The following USP6NL variants were observed in gnomAD, a reference collection of about 807,000 sequenced individuals.
USP6NL encodes USP6 N-terminal like.
Under a neutral mutation model 61.9 loss-of-function variants are expected in USP6NL, and 26 were observed. The observed-to-expected ratio is 0.42, with a 90% CI of 0.31 to 0.58. The LOEUF is 0.58. USP6NL is among the 20% of genes least tolerant of loss of function. The pLI, the probability that USP6NL is intolerant of heterozygous loss-of-function variation, is 0.16. For missense variants in USP6NL, 1,114 were observed against 1,034.3 expected, an observed-to-expected ratio of 1.08 and a Z score of -1.06; for synonymous variants, 432 against 390.1, an observed-to-expected ratio of 1.11 and a Z score of -1.27.
chr10:11,508,875 ATCTTAAATGAGCCTG>A (rs1486380101), intron 6 of USP6NL, among the ~76,000 whole-genome samples: 1 of 152,212 alleles, frequency 6.6e-6, no homozygotes, highest in Non-Finnish European at 1.5e-5. Flanking sequence ...TCTCAAAAAT[ATCTTAAATGAGCCTG>A]TCACTTGAAG....
rs953852197 is a variant in USP6NL at position 11,513,857 on chromosome 10, C to G, written c.196-4182G>C. Among the ~76,000 whole-genome samples, 2 of 152,146 alleles carry G rather than the reference C, an allele frequency of 1.3e-5. No homozygotes were observed. The highest frequency in any genetic ancestry group is 4.8e-5 in the African/African-American group (2 of 41,432). On this transcript the variant is annotated intron_variant, in intron 5 of 14. Transcript: ENST00000609104. This position sits in a 1 kb window ranked among gnomAD's most constrained non-coding sequence, Gnocchi z 4.7. ...AATCCAATCATGCATTCGGCATTGC[C>G]TTTGCTGGCAGGTCCCCAAAGTGCC...
At chr10:11,576,089 G>GAAA (rs761383093) in intron 2 of USP6NL, among the ~76,000 whole-genome samples, 1 of 130,492 alleles carries the variant, frequency 7.7e-6, no homozygotes, top group South Asian at 2.4e-4. Flanking sequence ...AACACTTCAG[G>GAAA]AAAAAAAAAA....
chr10:11,554,801 CTTT>C (rs11370788), intron 2 of USP6NL, among the ~76,000 whole-genome samples: 3 of 128,260 alleles, frequency 2.3e-5, no homozygotes, highest in Admixed American at 8.1e-5. Flanking sequence ...AGTAAGGCAG[CTTT>C]TTTTTTTTTT....
chr10:11,572,172 T>C (rs1025483376), intron 2 of USP6NL, among the ~76,000 whole-genome samples: 1 of 151,990 alleles, frequency 6.6e-6, no homozygotes. Context: ...TAAAAAATTC[T>C]GACTGTAAAG....
intron 2 of USP6NL, among the ~76,000 whole-genome samples, chr10:11,554,756 A>C (rs997805547): frequency 1.3e-5 from 2 of 151,194 alleles, no homozygotes; most frequent in African/African-American, 4.8e-5. Flanking sequence ...CCAAGAAAAA[A>C]AAAAAGAAAA....
intron 2 of USP6NL, among the ~76,000 whole-genome samples, chr10:11,577,647 C>G (rs974963194): frequency 6.6e-6 from 1 of 151,794 alleles, no homozygotes; most frequent in African/African-American, 2.4e-5. Context: ...ATTACAGGTG[C>G]CTTGCCACCA....
In USP6NL at chr10:11,562,736, A is replaced by G. The variant is rs367871119; in HGVS notation, c.4+34895T>C. ...AAATTTTCACTTGTTTCTTGATCTA[A>G]AAACGTGGAATTCCACACAGTACAA... On this transcript the variant is annotated intron_variant, in intron 2 of 14. Coordinates refer to ENST00000609104, the MANE Select transcript of USP6NL (RefSeq NM_014688.5). The surrounding 1 kb of genome is among the most constrained non-coding windows in gnomAD (Gnocchi z 4.8). 39 of 985,424 alleles carry G rather than the reference A, an allele frequency of 4.0e-5. No homozygotes were observed. In the African/African-American group the frequency reaches 5.4e-4, roughly 14 times the overall value. 61.0% of individuals were successfully genotyped at this position (985,424 alleles called of 1,614,324 possible). A position where few individuals can be genotyped will look rare whatever the true frequency, so the allele number is the denominator to read the frequency against.
intron 5 of USP6NL, among the ~76,000 whole-genome samples, chr10:11,516,769 CATTAA>C (rs1834976006): frequency 6.6e-6 from 1 of 152,158 alleles, no homozygotes; most frequent in Admixed American, 6.6e-5. Context: ...AGTGATTCCC[CATTAA>C]ATTAAACTTT....
rs1167028249 is a variant in USP6NL, at chr10:11,540,486, A to C, written c.5-12919T>G. 6.6e-6 allele frequency among the ~76,000 whole-genome samples: 1 copy of C among 152,194 alleles called. No homozygotes were observed. Among genetic ancestry groups the C allele is most frequent in the Non-Finnish European group, 1.5e-5 (1 of 68,020 alleles). On this transcript the variant is annotated intron_variant, in intron 2 of 14. Coordinates refer to ENST00000609104, the MANE Select transcript of USP6NL (RefSeq NM_014688.5). This position sits in a 1 kb window ranked among gnomAD's most constrained non-coding sequence, Gnocchi z 5.0. ...GGGCTCTATTGAATCTACTTCATTC[A>C]CTTAGTTTTAAGAACTTCTTTCCCA...
At chr10:11,594,807 T>G (rs2133655307) in intron 2 of USP6NL, among the ~76,000 whole-genome samples, 1 of 152,376 alleles carries the variant, frequency 6.6e-6, no homozygotes, top group South Asian at 2.1e-4. Flanking sequence ...CAATATTTAT[T>G]TAACACCTAT....
In USP6NL at chr10:11,549,092, A is replaced by T. The variant is rs1836391843; in HGVS notation, c.5-21525T>A. On this transcript the variant is annotated intron_variant, in intron 2 of 14. Coordinates refer to ENST00000609104, the MANE Select transcript of USP6NL (RefSeq NM_014688.5). ...TTCCATATTTTACTACCCTTAAAAG[A>T]CTATTAAATTACTCTAAAATAGACA... Among the ~76,000 whole-genome samples, 3 of 152,274 alleles carry T rather than the reference A, an allele frequency of 2.0e-5. No individual in the cohort carries two copies. The East Asian group carries it at 5.8e-4, about 29-fold the overall frequency.
In USP6NL at chr10:11,470,176, G is replaced by A. The variant is rs1832676512; in HGVS notation, c.1079-6327C>T. Among the ~76,000 whole-genome samples, 1 of 152,286 alleles carries A rather than the reference G, an allele frequency of 6.6e-6. No homozygotes were observed. The highest frequency in any genetic ancestry group is 1.5e-5 in the Non-Finnish European group (1 of 68,026). ...AGACGTGGCGGGGAGGTCACGGAAGGCAAGTAATGGAGAGGACCAGAGAAG... is the reference window on the plus strand; with the variant it reads ...AGACGTGGCGGGGAGGTCACGGAAGACAAGTAATGGAGAGGACCAGAGAAG... On this transcript the variant is annotated intron_variant, in intron 14 of 14. Coordinates refer to ENST00000609104, the MANE Select transcript of USP6NL (RefSeq NM_014688.5). This position sits in a 1 kb window ranked among gnomAD's most constrained non-coding sequence, Gnocchi z 5.4.
chr10:11,609,419 A>G (rs1838807846), intron 1 of USP6NL, among the ~76,000 whole-genome samples: 1 of 151,990 alleles, frequency 6.6e-6, no homozygotes, highest in Admixed American at 6.6e-5. Context: ...ACTTTCTGGT[A>G]ATTAGAGGTC....
chr10:11,581,220 G>A (rs1370732085), intron 2 of USP6NL, among the ~76,000 whole-genome samples: 1 of 152,156 alleles, frequency 6.6e-6, no homozygotes, highest in Non-Finnish European at 1.5e-5. Context: ...CCCACATACA[G>A]AGATAAGCAC....
intron 13 of USP6NL, among the ~76,000 whole-genome samples, chr10:11,483,676 G>A (rs1417093912): frequency 1.6e-5 from 1 of 62,744 alleles, no homozygotes; most frequent in East Asian, 5.8e-4. Context: ...GGGAGGGAGG[G>A]AGAGAGGTGG....
chr10:11,610,197 TTTAA>T (rs751636178), intron 1 of USP6NL, among the ~76,000 whole-genome samples: 11 of 152,234 alleles, frequency 7.2e-5, no homozygotes, highest in Non-Finnish European at 1.6e-4. Context: ...ATTTGGACAT[TTTAA>T]TTGTCTACGT....
intron 2 of USP6NL, among the ~76,000 whole-genome samples, chr10:11,538,647 C>CA (rs1472067490): frequency 2.0e-5 from 3 of 152,180 alleles, no homozygotes; most frequent in East Asian, 1.9e-4. Flanking sequence ...ACCTTCATTA[C>CA]AAAAAAAGTA....
At chr10:11,560,006 A>C (rs1349804605) in intron 2 of USP6NL, among the ~76,000 whole-genome samples, 1 of 152,202 alleles carries the variant, frequency 6.6e-6, no homozygotes, top group East Asian at 1.9e-4. Context: ...TTCTCTAAGG[A>C]GATTATAAAA....
At chr10:11,572,162 T>A (rs898428783) in intron 2 of USP6NL, among the ~76,000 whole-genome samples, 2 of 151,960 alleles carry the variant, frequency 1.3e-5, no homozygotes, top group East Asian at 3.9e-4. Flanking sequence ...AAAATTCCAA[T>A]AAAAAATTCT....
Sources: allele counts gnomAD v4.1 joint callset (sites outside exome capture counted in the v4.1 genomes callset), GRCh38; gene constraint gnomAD v4.1.1; non-coding constraint Gnocchi (gnomAD v3.1); transcripts MANE v1.5; gene names NCBI Gene and HGNC (gene_info 2026-07-23, HGNC 2026-07-21).